HIPK1: variants seen among roughly 807,000 people sequenced by gnomAD.
HIPK1 encodes homeodomain-interacting protein kinase 1.
A neutral mutation model predicts 117.1 loss-of-function variants in HIPK1; 28 were observed. That is an observed-to-expected ratio of 0.24 (90% CI 0.18 to 0.33). HIPK1 has a LOEUF of 0.33. HIPK1 is among the 10% of genes least tolerant of loss of function. The pLI, the probability that HIPK1 is intolerant of heterozygous loss-of-function variation, is 1.00. For missense variants in HIPK1, 1,122 were observed against 1,475.1 expected (o/e 0.76, Z 3.92); for synonymous variants, 605 against 562.5 (o/e 1.08, Z -1.07).
At chr1:113,938,007 C>T (rs1392027573) in intron 1 of HIPK1, among the ~76,000 whole-genome samples, 1 of 151,894 alleles carries the variant, frequency 6.6e-6, no homozygotes, top group Non-Finnish European at 1.5e-5. Context: ...CTCTGTTGCC[C>T]AGGCTAGAGT....
In HIPK1 at chr1:113,952,847, C is replaced by T. The variant is rs141882344; in HGVS notation, c.1158C>T (p.Phe386=). ...WSLGCVIAEL[F]LGWPLYPGAS... ...TGGGCTGTGTGATAGCTGAGCTGTT[C>T]CTGGGATGGCCTCTTTATCCTGGTG... The change falls in exon 3 of 16, where the codon TTC becomes TTT. Residue 386 remains phenylalanine (F), a synonymous_variant. Coordinates refer to ENST00000426820, the MANE Select transcript of HIPK1 (RefSeq NM_198268.3). 3 of 1,544,838 alleles carry T rather than the reference C, an allele frequency of 1.9e-6. No homozygotes were observed. The highest frequency in any genetic ancestry group is 2.8e-5 in the African/African-American group (2 of 71,662).
chr1:113,951,144 C>T, intron 2 of HIPK1: 1 of 782,118 alleles, frequency 1.3e-6, no homozygotes, highest in Non-Finnish European at 1.6e-6. Flanking sequence ...GTGCATGGCA[C>T]ATAGTAGGCA....
At chr1:113,943,348 A>G (rs1355690885) in intron 2 of HIPK1, among the ~76,000 whole-genome samples, 3 of 152,156 alleles carry the variant, frequency 2.0e-5, no homozygotes, top group African/African-American at 4.8e-5. Flanking sequence ...GAATTTGCCT[A>G]TTCTAGATAC....
At position 113,968,588 on chromosome 1, in the gene HIPK1, G is replaced by A; in HGVS notation, c.2711G>A (p.Ser904Asn). Residue 904 changes from serine to asparagine, a missense_variant, in exon 13 of 16, where the codon AGT becomes AAT. Physicochemically the swap from Ser to Asn is conservative, Grantham distance 46. Around this residue, in one of 6 missense-constraint regions of HIPK1, gnomAD observed 731 missense variants for 860.4 expected, o/e 0.85. Coordinates refer to ENST00000426820, the MANE Select transcript of HIPK1 (RefSeq NM_198268.3). ...CCAGATACTCCCAGCCCTCCTGTGAGTGTCATCACTATCCGAAGTGACACT... is the reference window on the plus strand; with the variant it reads ...CCAGATACTCCCAGCCCTCCTGTGAATGTCATCACTATCCGAAGTGACACT... ...IIPDTPSPPV[S>N]VITIRSDTDE... is the part of the protein sequence containing the mutation. 1 of 1,614,196 alleles carries A rather than the reference G, an allele frequency of 6.2e-7. No individual in the cohort carries two copies. Among genetic ancestry groups the A allele is most frequent in the Non-Finnish European group, 8.5e-7 (1 of 1,180,014 alleles).
At chr1:113,971,563 G>A (rs916470874) in intron 14 of HIPK1, among the ~76,000 whole-genome samples, 1 of 152,096 alleles carries the variant, frequency 6.6e-6, no homozygotes, top group Non-Finnish European at 1.5e-5. Context: ...TGTATTTCCA[G>A]TCGTTCCTTG....
intron 1 of HIPK1, among the ~76,000 whole-genome samples, chr1:113,938,929 T>A (rs61079929): frequency 6.9e-5 from 8 of 115,488 alleles, no homozygotes; most frequent in East Asian, 3.2e-4. Context: ...AAAAAAAAAA[T>A]ACACACACAC....
At chr1:113,949,418 A>G (rs1160004191) in intron 2 of HIPK1, among the ~76,000 whole-genome samples, 1 of 152,008 alleles carries the variant, frequency 6.6e-6, no homozygotes, top group African/African-American at 2.4e-5. Flanking sequence ...AATTTTAGAA[A>G]AGCTTTTATG....
rs1359275370 is a variant in HIPK1, at chr1:113,929,429, C to A, written c.-106C>A. The A allele has an allele frequency of 1.9e-5, 25 of 1,289,382 alleles. No individual in the cohort carries two copies. Among genetic ancestry groups the A allele is most frequent in the African/African-American group, 4.5e-5 (3 of 65,968 alleles). 79.9% of individuals were successfully genotyped at this position (1,289,382 alleles called of 1,614,324 possible). On this transcript the variant is annotated 5_prime_UTR_variant, in exon 1 of 16. The change creates a new upstream start codon in the 5' untranslated region. Transcript: ENST00000426820. ...GTCCAGGCCCCGCACTCGATCCACG[C>A]TGGCTCCCTACGGAGGCCCACCTAC...
At chr1:113,951,793 A>G (rs1047962649) in intron 2 of HIPK1, among the ~76,000 whole-genome samples, 3 of 152,192 alleles carry the variant, frequency 2.0e-5, no homozygotes, top group Non-Finnish European at 4.4e-5. Flanking sequence ...ATATACCTGC[A>G]GCTATTAAAT....
chr1:113,955,527 A>T (rs1432541967), intron 4 of HIPK1, 36 bp from the exon 5 acceptor site: 5 of 1,214,782 alleles, frequency 4.1e-6, no homozygotes, highest in Non-Finnish European at 6.0e-6. Flanking sequence ...AATAACATAC[A>T]GATGGAATTT....
At chr1:113,968,723 T>A (rs1672626216) in intron 13 of HIPK1, 75 bp downstream of exon 13, 2 of 1,291,824 alleles carry the variant, frequency 1.5e-6, no homozygotes, top group Non-Finnish European at 2.2e-6. Context: ...CAGTTTGGCC[T>A]GTGAAAGAAA....
intron 14 of HIPK1, 128 bp from the exon 15 acceptor site, chr1:113,971,696 C>G (rs1018732299): frequency 2.6e-6 from 2 of 770,132 alleles, no homozygotes; most frequent in Non-Finnish European, 3.9e-6. Context: ...TTATTTTCTT[C>G]TGATGTAAAT....
chr1:113,957,011 A>G, intron 6 of HIPK1, 113 bp from the exon 7 acceptor site: 1 of 961,002 alleles, frequency 1.0e-6, no homozygotes, highest in Non-Finnish European at 1.6e-6. Context: ...TTCTTGATTT[A>G]TTTTATCTGA....
Position 113,970,200 on chromosome 1 carries a change from C to T in HIPK1, c.3013+3C>T. 1 of 1,613,894 alleles carries T rather than the reference C, an allele frequency of 6.2e-7. No homozygotes were observed. The highest frequency in any genetic ancestry group is 8.5e-7 in the Non-Finnish European group (1 of 1,179,830). On this transcript the variant is annotated splice_donor_region_variant and intron_variant, in intron 14 of 15. Coordinates refer to ENST00000426820, the MANE Select transcript of HIPK1 (RefSeq NM_198268.3). ...CACTGTAGCAACCCAGGCCTCAGGT[C>T]AGTGTTATCTTCACAGCTTGAGTTG...
chr1:113,944,689 G>A (rs537785517), intron 2 of HIPK1, among the ~76,000 whole-genome samples: 4 of 151,022 alleles, frequency 2.6e-5, no homozygotes, highest in African/African-American at 7.3e-5. Flanking sequence ...CATGTTGGCC[G>A]GGATGGTCTC....
At chr1:113,946,455 A>T (rs182537059) in intron 2 of HIPK1, among the ~76,000 whole-genome samples, 86 of 152,318 alleles carry the variant, frequency 5.6e-4, no homozygotes, top group Non-Finnish European at 1.2e-3. Context: ...GATAAAAATT[A>T]TTTGGCTTTG....
chr1:113,931,484 A>G (rs1294665416), intron 1 of HIPK1, among the ~76,000 whole-genome samples: 1 of 152,186 alleles, frequency 6.6e-6, no homozygotes, highest in Non-Finnish European at 1.5e-5. Flanking sequence ...GGTGAATGAG[A>G]TCTTATAAAT....
At chr1:113,937,244 C>G (rs1432798895) in intron 1 of HIPK1, among the ~76,000 whole-genome samples, 1 of 152,148 alleles carries the variant, frequency 6.6e-6, no homozygotes, top group African/African-American at 2.4e-5. Context: ...AGGATTTGTT[C>G]TTTCCAGCTG....
chr1:113,948,881 A>C (rs1357202405), intron 2 of HIPK1, among the ~76,000 whole-genome samples: 1 of 152,046 alleles, frequency 6.6e-6, no homozygotes, highest in Middle Eastern at 3.2e-3. Context: ...TCTTACGCCC[A>C]GTCTGGAGTG....
Sources: allele counts gnomAD v4.1 joint callset (sites outside exome capture counted in the v4.1 genomes callset), GRCh38; gene constraint gnomAD v4.1.1; regional missense constraint gnomAD v4.1.1; transcripts MANE v1.5; gene names NCBI Gene and HGNC (gene_info 2026-07-23, HGNC 2026-07-21).